Variants in SLC39A11 observed in about 807,000 individuals in gnomAD.
The protein encoded by SLC39A11 is solute carrier family 39 member 11, also known as zinc transporter ZIP11.
Under a neutral mutation model 36.1 loss-of-function variants are expected in SLC39A11, and 33 were observed. That is an observed-to-expected ratio of 0.91 (90% CI 0.69 to 1.22). SLC39A11 has a LOEUF of 1.22. SLC39A11 is among the 50% of genes most tolerant of loss of function. The probability of loss-of-function intolerance (pLI) is 0.00; values close to 1 mark genes in which losing one functional copy is unlikely to be tolerated. For synonymous variants in SLC39A11, 166 were observed against 170.3 expected (o/e 0.97, Z 0.20); for missense variants, 432 against 430.3 (o/e 1.00, Z -0.03).
At chr17:72,692,855 T>C (rs1265974718) in intron 7 of SLC39A11, among the ~76,000 whole-genome samples, 1 of 152,202 alleles carries the variant, frequency 6.6e-6, no homozygotes, top group Non-Finnish European at 1.5e-5. Context: ...TGAAACCTCA[T>C]GGCTGGATCT....
chr17:73,020,680 C>CTTTTTTTTTTTTTTTTTTT (rs71154945), intron 4 of SLC39A11, among the ~76,000 whole-genome samples: 5 of 98,890 alleles, frequency 5.1e-5, no homozygotes, highest in African/African-American at 8.0e-5. Flanking sequence ...TTGTTTCTTT[C>CTTTTTTTTTTTTTTTTTTT]TTTTTTTTTT....
At chr17:73,082,777 G>A (rs1482826087) in intron 3 of SLC39A11, among the ~76,000 whole-genome samples, 4 of 152,040 alleles carry the variant, frequency 2.6e-5, no homozygotes, top group South Asian at 2.1e-4. Context: ...TTGGAAGGCC[G>A]AGTTGGGTAG....
intron 3 of SLC39A11, among the ~76,000 whole-genome samples, chr17:73,052,750 A>G (rs572931718): frequency 3.9e-5 from 6 of 152,322 alleles, no homozygotes; most frequent in Non-Finnish European, 8.8e-5. Flanking sequence ...CCCAAGCTGC[A>G]GTCACAGTGG....
chr17:72,722,830 T>A (rs1257595315), intron 7 of SLC39A11, among the ~76,000 whole-genome samples: 3 of 151,946 alleles, frequency 2.0e-5, no homozygotes, highest in Non-Finnish European at 4.4e-5. Context: ...GAGACAGGGT[T>A]TTACTGTGTT....
Position 72,646,909 on chromosome 17 carries a change from C to T in SLC39A11, c.*675G>A, listed in dbSNP as rs1235684630. On this transcript the variant is annotated 3_prime_UTR_variant, in exon 10 of 10. Transcript: ENST00000255559. Reference sequence around the variant, plus strand: ...GGGCTCACTGTGAGTTCACAGTTGTCCTCATCCCCTTTCCTTCAATAATGT... The same window carrying T: ...GGGCTCACTGTGAGTTCACAGTTGTTCTCATCCCCTTTCCTTCAATAATGT... The T allele has an allele frequency of 1.3e-5, 2 of 150,762 alleles. No individual in the cohort carries two copies. Among genetic ancestry groups the T allele is most frequent in the South Asian group, 2.1e-4 (1 of 4,752 alleles). The allele number at this position is 150,762 out of a possible 1,614,324, so 9.3% of individuals were successfully genotyped here.
At chr17:72,807,718 C>G (rs1168888789) in intron 6 of SLC39A11, among the ~76,000 whole-genome samples, 1 of 152,202 alleles carries the variant, frequency 6.6e-6, no homozygotes, top group Non-Finnish European at 1.5e-5. Context: ...CTATAACTGC[C>G]CAATGCATCT....
At chr17:72,804,184 G>C (rs954777037) in intron 6 of SLC39A11, among the ~76,000 whole-genome samples, 4 of 152,148 alleles carry the variant, frequency 2.6e-5, no homozygotes, top group African/African-American at 9.7e-5. Context: ...TTTTAGTAGA[G>C]ACGGGGTTTC....
At chr17:72,819,388 C>T (rs1387509298) in intron 6 of SLC39A11, among the ~76,000 whole-genome samples, 4 of 151,374 alleles carry the variant, frequency 2.6e-5, no homozygotes, top group East Asian at 3.8e-4. Context: ...ATTTCAGATG[C>T]CTGGCCTCCA....
intron 3 of SLC39A11, among the ~76,000 whole-genome samples, chr17:73,062,475 A>AAAAAAAAAAAAAAACC (rs56021607): frequency 0.017 from 1,479 of 86,934 alleles, 40 homozygotes; most frequent in Non-Finnish European, 0.027. Context: ...AAAAAAAAAA[A>AAAAAAAAAAAAAAACC]AAACTTTAGG....
intron 3 of SLC39A11, among the ~76,000 whole-genome samples, chr17:73,036,889 T>C (rs2058936213): frequency 6.6e-6 from 1 of 152,206 alleles, no homozygotes; most frequent in Non-Finnish European, 1.5e-5. Context: ...TATTTATTCA[T>C]CCCTCCTTCC....
rs1003641304 is a variant in SLC39A11 at position 72,758,871 on chromosome 17, C to T, written c.602-22152G>A. Among the ~76,000 whole-genome samples the T allele has an allele frequency of 3.9e-5, 6 of 152,120 alleles. 1 individual carries two copies. The highest frequency in any genetic ancestry group is 7.2e-5 in the African/African-American group (3 of 41,442). On this transcript the variant is annotated intron_variant, in intron 6 of 9. Coordinates refer to ENST00000255559, the MANE Select transcript of SLC39A11 (RefSeq NM_139177.4). Reference sequence around the variant, plus strand: ...AACATTCTACACAGGACTGAGATGACCCATGGATGACAGCAATTATAAATA... The same window carrying T: ...AACATTCTACACAGGACTGAGATGATCCATGGATGACAGCAATTATAAATA...
At chr17:73,006,480 G>C (rs2090185415) in intron 4 of SLC39A11, among the ~76,000 whole-genome samples, 1 of 152,180 alleles carries the variant, frequency 6.6e-6, no homozygotes, top group African/African-American at 2.4e-5. Context: ...AGAGGATGGG[G>C]AGGGGAGAGA....
intron 7 of SLC39A11, among the ~76,000 whole-genome samples, chr17:72,734,849 T>C (rs912519051): frequency 6.6e-6 from 1 of 152,108 alleles, no homozygotes; most frequent in Non-Finnish European, 1.5e-5. Flanking sequence ...TGAATGTTTA[T>C]AAGGTCACAC....
chr17:72,978,852 G>A (rs560455145), intron 4 of SLC39A11, among the ~76,000 whole-genome samples: 3 of 152,282 alleles, frequency 2.0e-5, no homozygotes, highest in Admixed American at 6.5e-5. Flanking sequence ...CTTAGGGCAC[G>A]CCAACTCTGG....
chr17:72,862,484 T>G (rs1360878821), intron 5 of SLC39A11, among the ~76,000 whole-genome samples: 1 of 152,204 alleles, frequency 6.6e-6, no homozygotes, highest in Non-Finnish European at 1.5e-5. Context: ...CAGAAACGTT[T>G]GCCAGGCTGG....
At chr17:72,925,279 CAT>C (rs2083975307) in intron 5 of SLC39A11, among the ~76,000 whole-genome samples, 1 of 152,180 alleles carries the variant, frequency 6.6e-6, no homozygotes, top group Admixed American at 6.5e-5. Context: ...GATAGAATCT[CAT>C]GAGATCCTGA....
At chr17:72,821,032 T>G (rs1189626668) in intron 6 of SLC39A11, among the ~76,000 whole-genome samples, 1 of 151,164 alleles carries the variant, frequency 6.6e-6, no homozygotes, top group Non-Finnish European at 1.5e-5. Flanking sequence ...ATGGAGGGTG[T>G]TGCAGATTGA....
chr17:72,895,924 T>A (rs899846478), intron 5 of SLC39A11, among the ~76,000 whole-genome samples: 1 of 152,142 alleles, frequency 6.6e-6, no homozygotes, highest in Non-Finnish European at 1.5e-5. Context: ...TGGCCAATTT[T>A]GAAAGAATTA....
At chr17:73,052,043 C>T (rs868761954) in intron 3 of SLC39A11, among the ~76,000 whole-genome samples, 15 of 152,000 alleles carry the variant, frequency 9.9e-5, no homozygotes, top group Middle Eastern at 3.4e-3. Context: ...ATCAAGTGGT[C>T]GTGAAGACAA....
Sources: allele counts gnomAD v4.1 joint callset (sites outside exome capture counted in the v4.1 genomes callset), GRCh38; gene constraint gnomAD v4.1.1; transcripts MANE v1.5; gene names NCBI Gene and HGNC (gene_info 2026-07-23, HGNC 2026-07-21).